The following RNF38 variants were observed in gnomAD, a reference collection of about 807,000 sequenced individuals.
RNF38 encodes the protein ring finger protein 38.
Under a neutral mutation model 67.2 loss-of-function variants are expected in RNF38, and 15 were observed. The ratio of observed to expected loss-of-function variants is 0.22; its 90% CI spans 0.15 to 0.34. RNF38 has a LOEUF of 0.34. Among genes scored for constraint, RNF38 ranks in the 10% least tolerant of loss-of-function variants. RNF38 has a pLI of 1.00. For synonymous variants in RNF38, 220 were observed against 218.8 expected (o/e 1.01, Z -0.05); for missense variants, 524 against 639.9 (o/e 0.82, Z 1.95).
chr9:36,337,943 T>G lies in RNF38; in HGVS notation c.*1809A>C, dbSNP rs981556895. 6 of 152,658 alleles carry G rather than the reference T, an allele frequency of 3.9e-5. No individual in the cohort carries two copies. Among genetic ancestry groups the G allele is most frequent in the African/African-American group, 1.4e-4 (6 of 41,464 alleles). 9.5% of individuals were successfully genotyped at this position (152,658 alleles called of 1,614,324 possible). ...AAATTGTGCTTCTGTGAATTGACTTTACTTAACTCTAGGCTGTGATGAGCT... is the reference window on the plus strand; with the variant it reads ...AAATTGTGCTTCTGTGAATTGACTTGACTTAACTCTAGGCTGTGATGAGCT... On this transcript the variant is annotated 3_prime_UTR_variant, in exon 12 of 12. Transcript: ENST00000259605.
intron 1 of RNF38, among the ~76,000 whole-genome samples, chr9:36,466,169 A>G (rs1259364627): frequency 6.6e-6 from 1 of 152,234 alleles, no homozygotes; most frequent in Non-Finnish European, 1.5e-5. Flanking sequence ...TGCAAATTGT[A>G]TGATTCCATT....
At chr9:36,460,873 G>C (rs969386659) in intron 1 of RNF38, among the ~76,000 whole-genome samples, 51 of 136,238 alleles carry the variant, frequency 3.7e-4, no homozygotes, top group Non-Finnish European at 4.6e-5. Flanking sequence ...GGCAACAAGA[G>C]GGAAACTCTC....
intron 6 of RNF38, among the ~76,000 whole-genome samples, chr9:36,354,099 A>AT (rs1159120636): frequency 1.3e-5 from 2 of 152,246 alleles, no homozygotes; most frequent in East Asian, 1.9e-4. Flanking sequence ...CATCACCACT[A>AT]TCTAGTTCCA....
intron 2 of RNF38, among the ~76,000 whole-genome samples, chr9:36,414,285 C>T (rs1027969564): frequency 6.6e-6 from 1 of 152,162 alleles, no homozygotes; most frequent in African/African-American, 2.4e-5. Context: ...TCATCGTTCT[C>T]GCTGCTGCCT....
At chr9:36,467,831 A>T (rs1286948667) in intron 1 of RNF38, among the ~76,000 whole-genome samples, 2 of 152,214 alleles carry the variant, frequency 1.3e-5, no homozygotes, top group Non-Finnish European at 2.9e-5. Flanking sequence ...AAGTAAAGAG[A>T]TGGCAAATAC....
intron 1 of RNF38, among the ~76,000 whole-genome samples, chr9:36,436,367 T>G (rs1051211137): frequency 6.6e-6 from 1 of 152,216 alleles, no homozygotes; most frequent in African/African-American, 2.4e-5. Context: ...TAGAAAGAGC[T>G]TAGCCATTCA....
Position 36,339,823 on chromosome 9 carries a change from C to A in RNF38, c.1486-9G>T, listed in dbSNP as rs191461722. On this transcript the variant is annotated splice_polypyrimidine_tract_variant and intron_variant, in intron 11 of 11. Coordinates refer to ENST00000259605, the MANE Select transcript of RNF38 (RefSeq NM_022781.5). ...GGGCAAGTACGATTTGCCTACAAAA[C>A]AAAAAGGAAAACTTGTTTAAATTGT... 725 of 1,609,196 alleles carry A rather than the reference C, an allele frequency of 4.5e-4. 10 individuals are homozygous for A. In the East Asian group the frequency reaches 9.8e-3, roughly 22 times the overall value.
At chr9:36,377,829 AT>A (rs1835897297) in intron 2 of RNF38, among the ~76,000 whole-genome samples, 1 of 152,150 alleles carries the variant, frequency 6.6e-6, no homozygotes, top group South Asian at 2.1e-4. Flanking sequence ...GTTATACTGT[AT>A]TTTAAAATTT....
At chr9:36,470,912 C>T (rs1344299992) in intron 1 of RNF38, among the ~76,000 whole-genome samples, 4 of 152,136 alleles carry the variant, frequency 2.6e-5, no homozygotes, top group Non-Finnish European at 4.4e-5. Flanking sequence ...CCCCTAACTC[C>T]ATCTCTCCCT....
intron 1 of RNF38, among the ~76,000 whole-genome samples, chr9:36,475,608 T>A (rs1030552411): frequency 1.3e-5 from 2 of 151,442 alleles, no homozygotes; most frequent in African/African-American, 4.8e-5. Flanking sequence ...ATCCGCCACC[T>A]TGGCCTCCCA....
chr9:36,394,050 G>A (rs1837343794), intron 1 of RNF38, among the ~76,000 whole-genome samples: 1 of 152,164 alleles, frequency 6.6e-6, no homozygotes, highest in Non-Finnish European at 1.5e-5. Context: ...GCCGAGGCGG[G>A]CAGATCACAA....
At chr9:36,379,682 G>A (rs1405052373) in intron 2 of RNF38, among the ~76,000 whole-genome samples, 1 of 152,142 alleles carries the variant, frequency 6.6e-6, no homozygotes, top group Non-Finnish European at 1.5e-5. Flanking sequence ...GAAATTCCAG[G>A]AATGGTAGTA....
chr9:36,339,611 T>C lies in RNF38; in HGVS notation c.*141A>G. On this transcript the variant is annotated 3_prime_UTR_variant, in exon 12 of 12. Coordinates refer to ENST00000259605, the MANE Select transcript of RNF38 (RefSeq NM_022781.5). Reference sequence around the variant, plus strand: ...CTAATTGTAAGCTTTTATAGTTGATTAAGTCACACAGTGCAAAGAAAGGTC... The same window carrying C: ...CTAATTGTAAGCTTTTATAGTTGATCAAGTCACACAGTGCAAAGAAAGGTC... The C allele has an allele frequency of 1.6e-6, 1 of 628,172 alleles. No individual in the cohort carries two copies. The highest frequency in any genetic ancestry group is 2.7e-5 in the Admixed American group (1 of 37,002). 38.9% of individuals were successfully genotyped at this position (628,172 alleles called of 1,614,324 possible). A position where few individuals can be genotyped will look rare whatever the true frequency, so the allele number is the denominator to read the frequency against.
At chr9:36,404,530 G>A (rs1357619764), upstream of RNF38, among the ~76,000 whole-genome samples, 2 of 152,138 alleles carry the variant, frequency 1.3e-5, no homozygotes, top group South Asian at 4.1e-4. Flanking sequence ...AAGGAATATA[G>A]GAAGATTAAA....
At chr9:36,412,747 C>T (rs1838358356) in intron 2 of RNF38, among the ~76,000 whole-genome samples, 1 of 152,174 alleles carries the variant, frequency 6.6e-6, no homozygotes, top group Non-Finnish European at 1.5e-5. Flanking sequence ...ACCAGCCTGA[C>T]CAACATGGTG....
chr9:36,459,927 T>C (rs1587177946), intron 1 of RNF38, among the ~76,000 whole-genome samples: 1 of 152,156 alleles, frequency 6.6e-6, no homozygotes, highest in East Asian at 1.9e-4. Flanking sequence ...ATTTTACACC[T>C]ATGCATTTTT....
chr9:36,382,103 A>G (rs1836255061), intron 2 of RNF38, among the ~76,000 whole-genome samples: 1 of 152,218 alleles, frequency 6.6e-6, no homozygotes, highest in African/African-American at 2.4e-5. Context: ...TATCAGGCAG[A>G]GAAGTTCTTT....
chr9:36,448,293 T>C (rs1839355086), intron 1 of RNF38, among the ~76,000 whole-genome samples: 1 of 152,216 alleles, frequency 6.6e-6, no homozygotes, highest in South Asian at 2.1e-4. Context: ...TATAGCAGAA[T>C]CTTCTTAACC....
intron 1 of RNF38, among the ~76,000 whole-genome samples, chr9:36,449,796 G>C (rs894712680): frequency 6.6e-5 from 10 of 152,160 alleles, no homozygotes; most frequent in Non-Finnish European, 1.3e-4. Context: ...TTAAGCAGAA[G>C]CAGGGGAAGT....
Sources: gnomAD v4.1 joint callset for allele counts (sites outside exome capture counted in the v4.1 genomes callset) on GRCh38, gnomAD v4.1.1 for gene constraint, MANE v1.5 for transcripts, NCBI Gene and HGNC (gene_info 2026-07-23, HGNC 2026-07-21) for gene names.